NOL4: variants seen among roughly 807,000 people sequenced by gnomAD.
NOL4 encodes nucleolar protein 4.
Under a neutral mutation model 75.9 loss-of-function variants are expected in NOL4, and 17 were observed. That is an observed-to-expected ratio of 0.22 (90% CI 0.15 to 0.34). The LOEUF is 0.34. NOL4 is among the 10% of genes least tolerant of loss of function. The pLI is 1.00. For missense variants in NOL4, 614 were observed against 793.5 expected (o/e 0.77, Z 2.72); for synonymous variants, 292 against 289.9 (o/e 1.01, Z -0.07).
rs369203104 is a variant in NOL4 at position 34,127,033 on chromosome 18, GAAAA to G, written c.414+2834_414+2837del. ...GAGTCACTATAATTCAATAATGATTGAAAAAAAAATTATGATTGCCTTTACATAT... is the reference window on the plus strand; with the variant it reads ...GAGTCACTATAATTCAATAATGATTGAAAAATTATGATTGCCTTTACATAT... On this transcript the variant is annotated intron_variant, in intron 2 of 10. Coordinates refer to ENST00000261592, the MANE Select transcript of NOL4 (RefSeq NM_003787.5). Among the ~76,000 whole-genome samples the G allele has an allele frequency of 8.6e-5, 13 of 150,526 alleles. No homozygotes were observed. The East Asian group carries it at 2.3e-3, about 27-fold the overall frequency.
chr18:33,911,357 T>C lies in NOL4; in HGVS notation c.1543-27933A>G, dbSNP rs141276027. ...TTTCTTTCCCTCTGCTTTTTCTCTT[T>C]CTCTAACTCTCATTAGCCAGATGCT... On this transcript the variant is annotated intron_variant, in intron 9 of 10. Coordinates refer to ENST00000261592, the MANE Select transcript of NOL4 (RefSeq NM_003787.5). Among the ~76,000 whole-genome samples, 6 of 152,230 alleles carry C rather than the reference T, an allele frequency of 3.9e-5. No homozygotes were observed. The East Asian group carries it at 7.7e-4, about 20-fold the overall frequency.
intron 4 of NOL4, among the ~76,000 whole-genome samples, chr18:34,102,716 C>T (rs548779770): frequency 1.3e-5 from 2 of 152,024 alleles, no homozygotes; most frequent in African/African-American, 4.8e-5. Context: ...TCTAAATGAG[C>T]TTCCTACAAA....
At chr18:34,159,004 A>G (rs1267931481) in intron 1 of NOL4, among the ~76,000 whole-genome samples, 1 of 152,190 alleles carries the variant, frequency 6.6e-6, no homozygotes, top group Non-Finnish European at 1.5e-5. Context: ...GTGGGAGACA[A>G]GCGGTGGCAG....
chr18:33,916,040 C>T (rs1014020060), intron 9 of NOL4, among the ~76,000 whole-genome samples: 14 of 152,062 alleles, frequency 9.2e-5, no homozygotes, highest in African/African-American at 3.4e-4. Context: ...CTAAGTGACT[C>T]CCAAAGCTAT....
chr18:33,872,443 G>A (rs2063742457), intron 10 of NOL4, among the ~76,000 whole-genome samples: 1 of 151,908 alleles, frequency 6.6e-6, no homozygotes, highest in Non-Finnish European at 1.5e-5. Context: ...TTTCTATAAG[G>A]TTGTTCATTG....
intron 1 of NOL4, among the ~76,000 whole-genome samples, chr18:34,210,118 A>G (rs1568453598): frequency 6.6e-6 from 1 of 152,228 alleles, no homozygotes; most frequent in Non-Finnish European, 1.5e-5. Context: ...TCTTAATATT[A>G]AATTTCCATT....
At chr18:34,131,346 T>C (rs1015555122) in intron 1 of NOL4, among the ~76,000 whole-genome samples, 1 of 152,076 alleles carries the variant, frequency 6.6e-6, no homozygotes, top group African/African-American at 2.4e-5. Context: ...GCCTTGTGAG[T>C]AGTGGTGGCT....
At chr18:34,080,466 C>T (rs1020831102) in intron 5 of NOL4, among the ~76,000 whole-genome samples, 5 of 151,978 alleles carry the variant, frequency 3.3e-5, no homozygotes, top group Non-Finnish European at 5.9e-5. Context: ...CTATAGACTC[C>T]GATGTTAATA....
At chr18:34,079,639 G>T in intron 5 of NOL4, among the ~76,000 whole-genome samples, 1 of 151,200 alleles carries the variant, frequency 6.6e-6, no homozygotes, top group Non-Finnish European at 1.5e-5. Flanking sequence ...TTCCCAGTGA[G>T]CATCACATCT....
intron 8 of NOL4, among the ~76,000 whole-genome samples, chr18:33,950,182 T>C (rs2069116595): frequency 6.6e-6 from 1 of 151,942 alleles, no homozygotes; most frequent in Non-Finnish European, 1.5e-5. Context: ...ATTTTTTTAA[T>C]GTATCAATTC....
chr18:33,970,213 T>A (rs2070941428), intron 6 of NOL4, among the ~76,000 whole-genome samples: 2 of 152,124 alleles, frequency 1.3e-5, no homozygotes, highest in Admixed American at 6.6e-5. Flanking sequence ...TATTTGAGAG[T>A]TCTTAATATA....
At chr18:34,160,673 G>A (rs533788056) in intron 1 of NOL4, among the ~76,000 whole-genome samples, 50 of 152,222 alleles carry the variant, frequency 3.3e-4, no homozygotes, top group South Asian at 1.5e-3. Context: ...CTTTTAATTA[G>A]AGTTTTAAAA....
At chr18:34,096,779 T>A (rs1288230987) in intron 4 of NOL4, among the ~76,000 whole-genome samples, 1 of 152,178 alleles carries the variant, frequency 6.6e-6, no homozygotes, top group Non-Finnish European at 1.5e-5. Flanking sequence ...TAGAACAATT[T>A]AACTGTAACA....
intron 2 of NOL4, among the ~76,000 whole-genome samples, chr18:34,127,843 A>C (rs1246732694): frequency 6.6e-6 from 1 of 151,904 alleles, no homozygotes; most frequent in African/African-American, 2.4e-5. Context: ...GTTTAGGCCA[A>C]AAAGAACCTT....
At chr18:34,152,586 A>G (rs2081695862) in intron 1 of NOL4, among the ~76,000 whole-genome samples, 1 of 151,918 alleles carries the variant, frequency 6.6e-6, no homozygotes, top group South Asian at 2.1e-4. Context: ...GATTATATTA[A>G]AAGAAAAAAC....
intron 1 of NOL4, among the ~76,000 whole-genome samples, chr18:34,205,096 T>C (rs1032908528): frequency 6.6e-6 from 1 of 152,128 alleles, no homozygotes; most frequent in Non-Finnish European, 1.5e-5. Flanking sequence ...TTTTGAAAAA[T>C]GTTTAAGTCC....
chr18:33,979,921 C>T (rs2071812680), intron 6 of NOL4, among the ~76,000 whole-genome samples: 1 of 151,968 alleles, frequency 6.6e-6, no homozygotes, highest in African/African-American at 2.4e-5. Flanking sequence ...CATAAGAAAG[C>T]AATTTTAATG....
At chr18:34,212,938 T>TCAGATCCCCATGAAAG (rs1459928720) in intron 1 of NOL4, among the ~76,000 whole-genome samples, 4 of 152,160 alleles carry the variant, frequency 2.6e-5, no homozygotes, top group Non-Finnish European at 4.4e-5. Context: ...TGTGATTAAA[T>TCAGATCCCCATGAAAG]CAGATCCCCA....
intron 9 of NOL4, among the ~76,000 whole-genome samples, chr18:33,885,703 C>T (rs891320462): frequency 6.6e-6 from 1 of 152,078 alleles, no homozygotes; most frequent in Non-Finnish European, 1.5e-5. Context: ...GAAAAGGGAA[C>T]CCTTGTACAC....
Sources: gnomAD v4.1 joint callset for allele counts (sites outside exome capture counted in the v4.1 genomes callset) on GRCh38, gnomAD v4.1.1 for gene constraint, MANE v1.5 for transcripts, NCBI Gene and HGNC (gene_info 2026-07-23, HGNC 2026-07-21) for gene names.